Variants in RPRD1A observed in about 807,000 individuals in gnomAD.
RPRD1A encodes regulation of nuclear pre-mRNA domain-containing protein 1A.
In RPRD1A, 9 loss-of-function variants were observed where a neutral mutation model predicts 37.8. The ratio of observed to expected loss-of-function variants is 0.24; its 90% CI spans 0.14 to 0.42. The LOEUF (loss-of-function observed/expected upper bound fraction) is 0.42, where lower values mean the gene tolerates loss of function less well. Ranked by LOEUF, RPRD1A falls within the 10% of genes least tolerant of loss-of-function variation. The pLI, the probability that RPRD1A is intolerant of heterozygous loss-of-function variation, is 1.00. For missense variants in RPRD1A, 255 were observed against 371.0 expected (o/e 0.69, Z 2.57); for synonymous variants, 138 against 139.7 (o/e 0.99, Z 0.08).
At chr18:36,062,666 T>TTA (rs2088939979) in intron 1 of RPRD1A, among the ~76,000 whole-genome samples, 1 of 152,204 alleles carries the variant, frequency 6.6e-6, no homozygotes, top group African/African-American at 2.4e-5. Context: ...CTCATCCATG[T>TTA]TATAGCATGG....
intron 2 of RPRD1A, among the ~76,000 whole-genome samples, chr18:36,032,949 AT>A (rs1364260090): frequency 1.3e-5 from 2 of 152,202 alleles, no homozygotes; most frequent in Non-Finnish European, 2.9e-5. Context: ...ACTGTAAGTC[AT>A]TACGGTGTGG....
chr18:36,008,577 G>GTGTGTGTATATATA lies in RPRD1A; in HGVS notation c.790-15278_790-15277insTATATATACACACA. ...GGCGACACAGCAAGACCTTGTGTGTGTATATATATATATCTTTAAAAATCT... is the reference window on the plus strand; with the variant it reads ...GGCGACACAGCAAGACCTTGTGTGTGTGTGTGTATATATATATATATATATATCTTTAAAAATCT... On this transcript the variant is annotated intron_variant, in intron 6 of 6. Transcript: ENST00000399022. 4.4e-4 allele frequency among the ~76,000 whole-genome samples: 21 copies of GTGTGTGTATATATA among 47,798 alleles called. 2 individuals are homozygous for GTGTGTGTATATATA. The highest frequency in any genetic ancestry group is 0.012 in the Middle Eastern group (1 of 84). 31.4% of individuals were successfully genotyped at this position (47,798 alleles called of 152,430 possible). A position where few individuals can be genotyped will look rare whatever the true frequency, so the allele number is the denominator to read the frequency against.
chr18:36,037,676 G>A (rs921122521), intron 1 of RPRD1A, among the ~76,000 whole-genome samples: 1 of 152,208 alleles, frequency 6.6e-6, no homozygotes, highest in Non-Finnish European at 1.5e-5. Context: ...AAAACAGAAA[G>A]ATGTGGGAAA....
rs1286833888 is a variant in RPRD1A at position 36,033,840 on chromosome 18, G to A, written c.152-3C>T. 2 of 1,592,414 alleles carry A rather than the reference G, an allele frequency of 1.3e-6. No individual in the cohort carries two copies. Among genetic ancestry groups the A allele is most frequent in the Non-Finnish European group, 1.7e-6 (2 of 1,172,466 alleles). On this transcript the variant is annotated splice_region_variant and splice_polypyrimidine_tract_variant and intron_variant, in intron 1 of 6. Transcript: ENST00000399022. ...AGTAAGCTTCCTGTTTGGTTTGGCT[G>A]AAAAATAAGAAAAAGTTAAAAATCT...
chr18:36,063,701 C>A (rs1216163736), intron 1 of RPRD1A, among the ~76,000 whole-genome samples: 1 of 152,160 alleles, frequency 6.6e-6, no homozygotes, highest in Non-Finnish European at 1.5e-5. Context: ...AACTGATTGC[C>A]ATTATCATTA....
intron 1 of RPRD1A, among the ~76,000 whole-genome samples, chr18:36,057,115 A>G (rs1913842834): frequency 6.8e-6 from 1 of 148,074 alleles, no homozygotes; most frequent in Non-Finnish European, 1.5e-5. Context: ...CTGTGGTCCT[A>G]GCTACTCAGG....
intron 6 of RPRD1A, among the ~76,000 whole-genome samples, chr18:36,005,162 G>A (rs1015249458): frequency 3.3e-5 from 5 of 152,106 alleles, no homozygotes; most frequent in African/African-American, 9.7e-5. Context: ...TTCTCTGGGC[G>A]TGGTGGCGGG....
chr18:36,048,488 C>T (rs2144366071), intron 1 of RPRD1A, among the ~76,000 whole-genome samples: 1 of 148,776 alleles, frequency 6.7e-6, no homozygotes, highest in African/African-American at 2.6e-5. Flanking sequence ...ATTAGAACCT[C>T]AATGTGATGC....
intron 6 of RPRD1A, among the ~76,000 whole-genome samples, chr18:36,018,095 C>A (rs1910720562): frequency 6.6e-6 from 1 of 152,168 alleles, no homozygotes; most frequent in South Asian, 2.1e-4. Context: ...ACACAGCCCA[C>A]TTAAGACTTT....
intron 4 of RPRD1A, 59 bp downstream of exon 4, chr18:36,030,749 A>T: frequency 9.8e-7 from 1 of 1,025,216 alleles, no homozygotes; most frequent in East Asian, 2.4e-5. Context: ...AAATTAATAA[A>T]GCTTGGTGGC....
At chr18:36,019,518 C>A (rs1351310610) in intron 6 of RPRD1A, among the ~76,000 whole-genome samples, 1 of 152,076 alleles carries the variant, frequency 6.6e-6, no homozygotes, top group Non-Finnish European at 1.5e-5. Flanking sequence ...TCTTATAAGC[C>A]AGGTAGTACA....
rs2089056651 is a variant in RPRD1A, at chr18:36,067,504, C to T, written c.-100G>A. On this transcript the variant is annotated 5_prime_UTR_variant, in exon 1 of 7. Transcript: ENST00000399022. ...CCTCGCCCCCTCACCCCACCCTTCCCCACGCTCTCACCACGGCCGCCGCTT... is the reference window on the plus strand; with the variant it reads ...CCTCGCCCCCTCACCCCACCCTTCCTCACGCTCTCACCACGGCCGCCGCTT... 1 of 1,275,580 alleles carries T rather than the reference C, an allele frequency of 7.8e-7. No homozygotes were observed. Among genetic ancestry groups the T allele is most frequent in the Middle Eastern group, 1.9e-4 (1 of 5,164 alleles). 79.0% of individuals were successfully genotyped at this position (1,275,580 alleles called of 1,614,324 possible). A position where few individuals can be genotyped will look rare whatever the true frequency, so the allele number is the denominator to read the frequency against.
chr18:36,030,008 A>G (rs1474087986), intron 4 of RPRD1A, among the ~76,000 whole-genome samples: 4 of 151,050 alleles, frequency 2.6e-5, no homozygotes, highest in African/African-American at 2.4e-5. Flanking sequence ...GGGTTTCACC[A>G]TATTAGCCAG....
chr18:36,033,820 G>A lies in RPRD1A; in HGVS notation c.169C>T (p.Leu57Phe). 6.2e-7 allele frequency: 1 copy of A among 1,609,392 alleles called. No homozygotes were observed. Among genetic ancestry groups the A allele is most frequent in the South Asian group, 1.1e-5 (1 of 90,310 alleles). The change falls in exon 2 of 7, where the codon CTT becomes TTT. Residue 57 changes from leucine (L) to phenylalanine (F), a missense_variant. Physicochemically the swap from Leu to Phe is conservative, Grantham distance 22 (BLOSUM62 0). This residue lies in a region of RPRD1A where 44 missense variants were observed against 102.1 expected (regional missense o/e 0.43). Transcript: ENST00000399022. ...ELRKAKPNRK[L>F]TFLYLANDVI... ...TCATTGGCTAGGTAGAGAAAAGTAA[G>A]CTTCCTGTTTGGTTTGGCTGAAAAA...
intron 2 of RPRD1A, among the ~76,000 whole-genome samples, chr18:36,031,430 T>A (rs2144294170): frequency 6.6e-6 from 1 of 152,362 alleles, no homozygotes; most frequent in Non-Finnish European, 1.5e-5. Context: ...GTTATTTTTT[T>A]AAATTTATTC....
chr18:36,012,593 G>A (rs1910247515), intron 6 of RPRD1A, among the ~76,000 whole-genome samples: 1 of 152,196 alleles, frequency 6.6e-6, no homozygotes, highest in African/African-American at 2.4e-5. Flanking sequence ...GTTTGTGTAA[G>A]TGCATGCTAC....
intron 1 of RPRD1A, among the ~76,000 whole-genome samples, chr18:36,042,343 A>G (rs1447713977): frequency 6.6e-6 from 1 of 152,212 alleles, no homozygotes; most frequent in East Asian, 1.9e-4. Context: ...GAGAGCAATG[A>G]CTGTCAAATC....
intron 6 of RPRD1A, chr18:36,025,057 C>G (rs1288312016): frequency 6.6e-6 from 1 of 152,298 alleles, no homozygotes; most frequent in Non-Finnish European, 1.5e-5. Context: ...GTGATTACCT[C>G]TGAGAAGAGA....
intron 1 of RPRD1A, among the ~76,000 whole-genome samples, chr18:36,046,058 T>C (rs1190607408): frequency 6.6e-6 from 1 of 152,236 alleles, no homozygotes; most frequent in Non-Finnish European, 1.5e-5. Flanking sequence ...ATAGAGCTTT[T>C]ATGATTATAT....
Sources: allele counts gnomAD v4.1 joint callset (sites outside exome capture counted in the v4.1 genomes callset), GRCh38; gene constraint gnomAD v4.1.1; regional missense constraint gnomAD v4.1.1; transcripts MANE v1.5; gene names NCBI Gene and HGNC (gene_info 2026-07-23, HGNC 2026-07-21).